PRKDC: variants seen among roughly 807,000 people sequenced by gnomAD.
PRKDC encodes the protein protein kinase, DNA-activated, catalytic subunit, also known as DNA-dependent protein kinase catalytic subunit.
Under a neutral mutation model 486.9 loss-of-function variants are expected in PRKDC, and 82 were observed. The ratio of observed to expected loss-of-function variants is 0.17; its 90% CI spans 0.14 to 0.20. The LOEUF is 0.20. Among genes scored for constraint, PRKDC ranks in the 10% least tolerant of loss-of-function variants. The pLI is 1.00. For synonymous variants in PRKDC, 1,895 were observed against 1,837.0 expected (o/e 1.03, Z -0.81); for missense variants, 4,504 against 5,038.2 (o/e 0.89, Z 3.21).
chr8:47,951,520 T>C (rs1179186611), intron 7 of PRKDC, among the ~76,000 whole-genome samples: 1 of 152,126 alleles, frequency 6.6e-6, no homozygotes, highest in Non-Finnish European at 1.5e-5. Context: ...GCCCAAGAGC[T>C]TGAAACCAGC....
Position 47,782,812 on chromosome 8 carries a change from T to C in PRKDC, c.11176-214A>G, listed in dbSNP as rs2086720801. Reference sequence around the variant, plus strand: ...TGTTGTATTCCTGATTATAAATACTTGCTTATGAATGTGGATATCTTTAGC... The same window carrying C: ...TGTTGTATTCCTGATTATAAATACTCGCTTATGAATGTGGATATCTTTAGC... On this transcript the variant is annotated intron_variant, in intron 78 of 85. Coordinates refer to ENST00000314191, the MANE Select transcript of PRKDC (RefSeq NM_006904.7). This position sits in a 1 kb window ranked among gnomAD's most constrained non-coding sequence, Gnocchi z 4.9. 3.4e-6 allele frequency: 2 copies of C among 587,416 alleles called. No homozygotes were observed. Among genetic ancestry groups the C allele is most frequent in the Non-Finnish European group, 6.0e-6 (2 of 331,000 alleles). The allele number at this position is 587,416 out of a possible 1,614,324, so 36.4% of individuals were successfully genotyped here.
chr8:47,794,651 G>A (rs2086944916), intron 73 of PRKDC, 150 bp from the exon 74 acceptor site: 7 of 665,416 alleles, frequency 1.1e-5, no homozygotes, highest in Non-Finnish European at 1.7e-5. Flanking sequence ...TTCTGCTGCG[G>A]CAACCACTGG....
chr8:47,832,056 G>T, intron 59 of PRKDC, 130 bp from the exon 60 acceptor site: 1 of 744,266 alleles, frequency 1.3e-6, no homozygotes, highest in Non-Finnish European at 2.3e-6. Flanking sequence ...GGGAGCAGGA[G>T]TGCAGGGGCC....
rs369155664 is a variant in PRKDC at position 47,782,542 on chromosome 8, G to A, written c.11232C>T (p.Asp3744=). 1.2e-4 allele frequency: 193 copies of A among 1,574,568 alleles called. No homozygotes were observed. Among genetic ancestry groups the A allele is most frequent in the Admixed American group, 2.4e-4 (13 of 53,916 alleles). ...RPKRIIIRGH[D]EREHPFLVKG... is the part of the protein sequence containing the mutation. The stretch of plus-strand genomic sequence containing the variant: ...TCACCAGGAAAGGGTGTTCCCTCTC[G>A]TCATGGCCACGGATGATGATGCGCT... The change falls in exon 79 of 86, where the codon GAC becomes GAT. Residue 3744 remains aspartate, a synonymous_variant. Coordinates refer to ENST00000314191, the MANE Select transcript of PRKDC (RefSeq NM_006904.7). The surrounding 1 kb of genome is among the most constrained non-coding windows in gnomAD (Gnocchi z 4.9).
At chr8:47,861,037 A>C in intron 44 of PRKDC, 66 bp from the exon 45 acceptor site, 1 of 1,125,638 alleles carries the variant, frequency 8.9e-7, no homozygotes, top group Non-Finnish European at 1.2e-6. Flanking sequence ...TTTCTGTTTT[A>C]GTAGCAATCT....
chr8:47,813,366 C>T (rs1042140979), intron 68 of PRKDC, among the ~76,000 whole-genome samples: 2 of 152,018 alleles, frequency 1.3e-5, no homozygotes, highest in African/African-American at 4.8e-5. Flanking sequence ...GATCCACCCA[C>T]CTCGGCCTCC....
chr8:47,919,996 C>T (rs561316322), intron 21 of PRKDC, among the ~76,000 whole-genome samples: 1 of 152,304 alleles, frequency 6.6e-6, no homozygotes, highest in South Asian at 2.1e-4. Flanking sequence ...GAACCACAAA[C>T]AATAGCATGA....
intron 54 of PRKDC, 82 bp from the exon 55 acceptor site, chr8:47,840,271 CTTT>C (rs768358527): frequency 7.2e-5 from 82 of 1,144,340 alleles, no homozygotes; most frequent in Non-Finnish European, 9.5e-5. Context: ...ACTTTTTCTT[CTTT>C]GTTTCAAAAT....
intron 7 of PRKDC, among the ~76,000 whole-genome samples, chr8:47,951,075 A>G (rs1002213728): frequency 9.9e-5 from 15 of 152,084 alleles, no homozygotes; most frequent in African/African-American, 3.4e-4. Context: ...GCAACTCAAA[A>G]AATGAGAGAA....
At chr8:47,946,627 C>T (rs1433124869) in intron 7 of PRKDC, among the ~76,000 whole-genome samples, 2 of 152,112 alleles carry the variant, frequency 1.3e-5, no homozygotes, top group Non-Finnish European at 2.9e-5. Context: ...CCTCATCTTG[C>T]TCACACTCCT....
At chr8:47,798,797 A>T (rs2087034829) in intron 72 of PRKDC, among the ~76,000 whole-genome samples, 1 of 152,100 alleles carries the variant, frequency 6.6e-6, no homozygotes, top group South Asian at 2.1e-4. Flanking sequence ...TGTTGCTTAG[A>T]GAGGCCATTG....
At chr8:47,928,552 T>C (rs1197488995) in intron 19 of PRKDC, among the ~76,000 whole-genome samples, 1 of 151,660 alleles carries the variant, frequency 6.6e-6, no homozygotes, top group Non-Finnish European at 1.5e-5. Context: ...TATTTATTTA[T>C]TTATTTATTT....
chr8:47,798,068 C>T (rs917045024), intron 73 of PRKDC, among the ~76,000 whole-genome samples, 169 bp downstream of exon 73: 1 of 152,194 alleles, frequency 6.6e-6, no homozygotes, highest in African/African-American at 2.4e-5. Flanking sequence ...TGCGAAAACT[C>T]GTTTTTGCAG....
At chr8:47,939,423 C>T (rs763997543) in intron 11 of PRKDC, 128 bp downstream of exon 11, 40 of 1,054,458 alleles carry the variant, frequency 3.8e-5, no homozygotes, top group Admixed American at 2.5e-4. Context: ...GTGCAGTTCA[C>T]GCCCATGTTA....
At chr8:47,917,993 C>T (rs1321191948) in intron 22 of PRKDC, among the ~76,000 whole-genome samples, 5 of 152,102 alleles carry the variant, frequency 3.3e-5, no homozygotes, top group Non-Finnish European at 7.4e-5. Flanking sequence ...CACAGGCATG[C>T]GCCACCACAC....
Position 47,858,570 on chromosome 8 carries a change from T to C in PRKDC, c.6411A>G (p.Ile2137Met), listed in dbSNP as rs192137701. The C allele has an allele frequency of 1.8e-4, 280 of 1,557,756 alleles. No homozygotes were observed. Among genetic ancestry groups the C allele is most frequent in the Non-Finnish European group, 2.3e-4 (268 of 1,147,632 alleles). The change falls in exon 48 of 86, where the codon ATA becomes ATG. Residue 2137 changes from isoleucine to methionine, a missense_variant. By Grantham distance (10) the Ile-to-Met change is conservative (BLOSUM62 1). Transcript: ENST00000314191. The part of the protein sequence containing the change: ...KFLHGKLGNP[I>M]VPLNIRLFLA... ...AGAAGAGACGGATATTTAATGGTAC[T>C]ATTGGATTTCCCAGTTTGCCATGGA...
At chr8:47,784,964 A>G in intron 77 of PRKDC, 149 bp downstream of exon 77, 1 of 742,870 alleles carries the variant, frequency 1.3e-6, no homozygotes, top group Non-Finnish European at 2.2e-6. Context: ...GGATTTTCCT[A>G]ATGATGAAAA....
At chr8:47,808,416 GCCA>G (rs1169083486) in intron 68 of PRKDC, among the ~76,000 whole-genome samples, 1 of 152,148 alleles carries the variant, frequency 6.6e-6, no homozygotes, top group African/African-American at 2.4e-5. Flanking sequence ...ACAGATATGA[GCCA>G]CCATGCCCAG....
intron 54 of PRKDC, 82 bp from the exon 55 acceptor site, chr8:47,840,271 CTT>C (rs1164538596): frequency 1.7e-5 from 19 of 1,144,342 alleles, no homozygotes; most frequent in Middle Eastern, 2.5e-4. Flanking sequence ...ACTTTTTCTT[CTT>C]TGTTTCAAAA....
Sources: allele counts gnomAD v4.1 joint callset (sites outside exome capture counted in the v4.1 genomes callset), GRCh38; gene constraint gnomAD v4.1.1; non-coding constraint Gnocchi (gnomAD v3.1); transcripts MANE v1.5; gene names NCBI Gene and HGNC (gene_info 2026-07-23, HGNC 2026-07-21).